The following CTNNA3 variants were observed in gnomAD, a reference collection of about 807,000 sequenced individuals.
CTNNA3 encodes catenin alpha-3.
In CTNNA3, 76 loss-of-function variants were observed where a neutral mutation model predicts 95.7. The ratio of observed to expected loss-of-function variants is 0.79; its 90% CI spans 0.66 to 0.96. The LOEUF is 0.96. Among genes scored for constraint, CTNNA3 ranks in the 40% least tolerant of loss-of-function variants. The probability of loss-of-function intolerance (pLI) is 0.00; values close to 1 mark genes in which losing one functional copy is unlikely to be tolerated. For synonymous variants in CTNNA3, 431 were observed against 374.4 expected (o/e 1.15, Z -1.74); for missense variants, 1,191 against 1,089.8 (o/e 1.09, Z -1.31).
intron 9 of CTNNA3, among the ~76,000 whole-genome samples, chr10:66,684,136 C>T (rs977047174): frequency 6.6e-6 from 1 of 151,996 alleles, no homozygotes; most frequent in Non-Finnish European, 1.5e-5. Context: ...CAGCAGTTCT[C>T]AGTTGGGGAG....
At chr10:67,702,869 A>G (rs1458508820) in intron 1 of CTNNA3, among the ~76,000 whole-genome samples, 2 of 152,232 alleles carry the variant, frequency 1.3e-5, no homozygotes, top group African/African-American at 4.8e-5. Context: ...CAAAACTGAT[A>G]GACCGCTAGC....
chr10:65,988,611 T>G (rs1589220495), intron 16 of CTNNA3, 81 bp downstream of exon 16: 1 of 1,134,840 alleles, frequency 8.8e-7, no homozygotes, highest in South Asian at 1.4e-5. Flanking sequence ...GAGTAAAAAT[T>G]TAACTTTGCC....
chr10:66,357,469 T>C (rs1249874865), intron 12 of CTNNA3, among the ~76,000 whole-genome samples: 1 of 152,146 alleles, frequency 6.6e-6, no homozygotes, highest in Non-Finnish European at 1.5e-5. Flanking sequence ...AAAAAGAAAC[T>C]CTGCGCCCTT....
At chr10:66,750,712 A>G (rs1268617631) in intron 9 of CTNNA3, among the ~76,000 whole-genome samples, 1 of 152,150 alleles carries the variant, frequency 6.6e-6, no homozygotes, top group Non-Finnish European at 1.5e-5. Flanking sequence ...TTACCTGTTT[A>G]TATAAACTTT....
At chr10:66,570,506 C>G (rs1842839089) in intron 10 of CTNNA3, among the ~76,000 whole-genome samples, 2 of 151,948 alleles carry the variant, frequency 1.3e-5, no homozygotes, top group Non-Finnish European at 2.9e-5. Flanking sequence ...CCAAGATGGT[C>G]TTGATCTCTT....
At position 66,313,096 on chromosome 10, in the gene CTNNA3, T is replaced by C. The variant is rs550831275; in HGVS notation, c.1733-32475A>G. Among the ~76,000 whole-genome samples, 4 of 152,324 alleles carry C rather than the reference T, an allele frequency of 2.6e-5. No individual in the cohort carries two copies. In the East Asian group the frequency reaches 7.7e-4, roughly 29 times the overall value. On this transcript the variant is annotated intron_variant, in intron 12 of 17. Coordinates refer to ENST00000433211, the MANE Select transcript of CTNNA3 (RefSeq NM_013266.4). ...GAGAGTGTATCTTCCCCCTTCCTTATTTAAAATAATAAAACCTATCATTTA... is the reference window on the plus strand; with the variant it reads ...GAGAGTGTATCTTCCCCCTTCCTTACTTAAAATAATAAAACCTATCATTTA...
chr10:67,007,954 A>G (rs530919475), intron 7 of CTNNA3, among the ~76,000 whole-genome samples: 3 of 152,160 alleles, frequency 2.0e-5, no homozygotes, highest in African/African-American at 7.2e-5. Context: ...AAATGGACTC[A>G]AGCTACCCAC....
intron 12 of CTNNA3, among the ~76,000 whole-genome samples, chr10:66,316,507 G>A (rs796094366): frequency 1.3e-5 from 2 of 152,114 alleles, no homozygotes; most frequent in African/African-American, 4.8e-5. Flanking sequence ...AACCAGCCCT[G>A]AACAGGACAC....
chr10:67,635,038 A>G (rs1839260181), intron 2 of CTNNA3, among the ~76,000 whole-genome samples: 1 of 152,164 alleles, frequency 6.6e-6, no homozygotes, highest in Non-Finnish European at 1.5e-5. Context: ...GAATACTATA[A>G]TCACCTCTAT....
At chr10:66,930,283 T>A (rs1305418895) in intron 7 of CTNNA3, among the ~76,000 whole-genome samples, 2 of 152,244 alleles carry the variant, frequency 1.3e-5, no homozygotes, top group Non-Finnish European at 2.9e-5. Context: ...TACCCATGAA[T>A]AATTGTTGAA....
intron 7 of CTNNA3, among the ~76,000 whole-genome samples, chr10:66,802,576 A>T (rs1841471467): frequency 6.6e-6 from 1 of 151,852 alleles, no homozygotes; most frequent in Non-Finnish European, 1.5e-5. Flanking sequence ...TTGAAAAAAG[A>T]TTTGTCAATT....
At chr10:67,325,295 T>A (rs1841495413) in intron 5 of CTNNA3, among the ~76,000 whole-genome samples, 1 of 152,198 alleles carries the variant, frequency 6.6e-6, no homozygotes, top group South Asian at 2.1e-4. Context: ...TGTTTGCTCC[T>A]GGTTCTCTAG....
intron 3 of CTNNA3, among the ~76,000 whole-genome samples, chr10:67,581,188 T>C (rs1842380732): frequency 1.3e-5 from 2 of 152,200 alleles, no homozygotes; most frequent in African/African-American, 4.8e-5. Context: ...TGATATTGGC[T>C]GTAGGTTTCT....
At position 67,496,231 on chromosome 10, in the gene CTNNA3, G is replaced by A. The variant is rs185064430; in HGVS notation, c.579+25611C>T. Among the ~76,000 whole-genome samples, 80 of 152,132 alleles carry A rather than the reference G, an allele frequency of 5.3e-4. 1 individual carries two copies. Among genetic ancestry groups the A allele is most frequent in the Admixed American group, 1.3e-3 (20 of 15,266 alleles). On this transcript the variant is annotated intron_variant, in intron 5 of 17. Transcript: ENST00000433211. ...ATAAAGAACACAGCTTTCATCTTGCGGTGTGACAGACTCCTATGTGCCTTT... is the reference window on the plus strand; with the variant it reads ...ATAAAGAACACAGCTTTCATCTTGCAGTGTGACAGACTCCTATGTGCCTTT...
Position 66,891,797 on chromosome 10 carries a change from C to G in CTNNA3, c.1048-116273G>C, listed in dbSNP as rs1307809572. ...ATAAAGCTTAGCCTAAGTCACCACT[C>G]AAATAAAGAAGTTACCATTCCTGTA... On this transcript the variant is annotated intron_variant, in intron 7 of 17. Transcript: ENST00000433211. Among the ~76,000 whole-genome samples, 5 of 152,216 alleles carry G rather than the reference C, an allele frequency of 3.3e-5. No individual in the cohort carries two copies. In the East Asian group the frequency reaches 9.6e-4, roughly 29 times the overall value.
chr10:66,577,381 T>G (rs1164992921), intron 10 of CTNNA3, among the ~76,000 whole-genome samples: 3 of 152,136 alleles, frequency 2.0e-5, no homozygotes, highest in Non-Finnish European at 4.4e-5. Flanking sequence ...TTTTGGGAAC[T>G]TAGTCATAAA....
chr10:67,497,029 C>A (rs1014512438), intron 5 of CTNNA3, among the ~76,000 whole-genome samples: 2 of 152,038 alleles, frequency 1.3e-5, no homozygotes, highest in Admixed American at 6.5e-5. Context: ...GTTTGCTGCA[C>A]CCTTCAACCC....
intron 15 of CTNNA3, among the ~76,000 whole-genome samples, chr10:65,992,834 G>A (rs1449853052): frequency 6.6e-6 from 1 of 151,938 alleles, no homozygotes; most frequent in Admixed American, 6.6e-5. Context: ...TCATTAGATT[G>A]TTTATTTGAA....
intron 12 of CTNNA3, among the ~76,000 whole-genome samples, chr10:66,296,952 T>C (rs1480375441): frequency 6.6e-6 from 1 of 152,210 alleles, no homozygotes; most frequent in Admixed American, 6.5e-5. Context: ...TGAAAATCCA[T>C]GCCAAAAATA....
Sources: gnomAD v4.1 joint callset for allele counts (sites outside exome capture counted in the v4.1 genomes callset) on GRCh38, gnomAD v4.1.1 for gene constraint, MANE v1.5 for transcripts, NCBI Gene and HGNC (gene_info 2026-07-23, HGNC 2026-07-21) for gene names.